Variants in CADPS2 observed in about 807,000 individuals in gnomAD.
The protein encoded by CADPS2 is calcium-dependent secretion activator 2.
Under a neutral mutation model 172.5 loss-of-function variants are expected in CADPS2, and 93 were observed. The observed-to-expected ratio is 0.54, with a 90% CI of 0.46 to 0.64. The LOEUF (loss-of-function observed/expected upper bound fraction) is 0.64. Ranked by LOEUF, CADPS2 falls within the 30% of genes least tolerant of loss-of-function variation. CADPS2 has a pLI of 0.00. For missense variants in CADPS2, 1,420 were observed against 1,565.9 expected (o/e 0.91, Z 1.57); for synonymous variants, 546 against 555.2 (o/e 0.98, Z 0.23).
intron 5 of CADPS2, among the ~76,000 whole-genome samples, chr7:122,620,849 T>C (rs1424358106): frequency 6.6e-6 from 1 of 152,186 alleles, no homozygotes; most frequent in Non-Finnish European, 1.5e-5. Context: ...TTCAATTATA[T>C]GTTGAATTGC....
intron 1 of CADPS2, among the ~76,000 whole-genome samples, chr7:122,816,400 C>T (rs1489676119): frequency 6.6e-6 from 1 of 152,042 alleles, no homozygotes; most frequent in African/African-American, 2.4e-5. Context: ...GAATAATATC[C>T]CTGTGGGTAC....
chr7:122,789,551 CT>C (rs1203937447), intron 1 of CADPS2, among the ~76,000 whole-genome samples: 1 of 152,124 alleles, frequency 6.6e-6, no homozygotes, highest in African/African-American at 2.4e-5. Context: ...GTTCCCAAAC[CT>C]AGAGGACACA....
intron 2 of CADPS2, among the ~76,000 whole-genome samples, chr7:122,708,863 G>A (rs1173260286): frequency 6.6e-6 from 1 of 151,758 alleles, no homozygotes; most frequent in Admixed American, 6.6e-5. Context: ...AATTCACATT[G>A]TAGTCTTTGC....
At chr7:122,515,934 T>C (rs1036829087) in intron 8 of CADPS2, among the ~76,000 whole-genome samples, 1 of 150,350 alleles carries the variant, frequency 6.7e-6, no homozygotes, top group Non-Finnish European at 1.5e-5. Context: ...TAAAAATATA[T>C]TTGGAAAAAA....
chr7:122,373,866 A>AC (rs1563178653), intron 25 of CADPS2, among the ~76,000 whole-genome samples: 1 of 152,058 alleles, frequency 6.6e-6, no homozygotes, highest in Non-Finnish European at 1.5e-5. Context: ...ACCAAAAAAA[A>AC]CCCCAAAAAA....
chr7:122,794,153 G>T (rs962825979), intron 1 of CADPS2, among the ~76,000 whole-genome samples: 10 of 151,960 alleles, frequency 6.6e-5, no homozygotes, highest in Admixed American at 5.9e-4. Context: ...GCCACTCTAG[G>T]TAGATTGGGG....
chr7:122,388,745 GA>G lies in CADPS2; in HGVS notation c.3009-8del. The stretch of plus-strand genomic sequence containing the variant: ...TGATGTTGCTGAGCCATTGCTAGAA[GA>G]AAAAGGAAAAATGAACATCATGAAC... On this transcript the variant is annotated splice_region_variant and splice_polypyrimidine_tract_variant and intron_variant, in intron 22 of 29. Coordinates refer to ENST00000449022, the MANE Select transcript of CADPS2 (RefSeq NM_017954.11). The G allele has an allele frequency of 1.3e-6, 2 of 1,586,244 alleles. No homozygotes were observed. Among genetic ancestry groups the G allele is most frequent in the African/African-American group, 1.4e-5 (1 of 73,958 alleles).
chr7:122,411,937 G>A (rs768955678), intron 19 of CADPS2, among the ~76,000 whole-genome samples: 2 of 152,180 alleles, frequency 1.3e-5, no homozygotes, highest in Non-Finnish European at 2.9e-5. Context: ...GTGAGATGAT[G>A]AGCTGAAAAT....
intron 1 of CADPS2, among the ~76,000 whole-genome samples, chr7:122,822,882 CT>C (rs994038058): frequency 3.4e-4 from 52 of 152,128 alleles, no homozygotes; most frequent in African/African-American, 1.2e-3. Context: ...GGCCCCACCC[CT>C]ATCTCCCTTC....
At chr7:122,529,229 C>T (rs2061548450) in intron 8 of CADPS2, among the ~76,000 whole-genome samples, 1 of 151,262 alleles carries the variant, frequency 6.6e-6, no homozygotes, top group South Asian at 2.1e-4. Flanking sequence ...ACCTTCCCAC[C>T]CCAAAAAAGC....
chr7:122,416,163 C>T lies in CADPS2; in HGVS notation c.2478G>A (p.Glu826=), dbSNP rs771073335. 8.6e-6 allele frequency: 13 copies of T among 1,519,306 alleles called. No homozygotes were observed. Among genetic ancestry groups the T allele is most frequent in the South Asian group, 1.2e-5 (1 of 82,162 alleles). The allele number at this position is 1,519,306 out of a possible 1,614,324, so 94.1% of individuals were successfully genotyped here. The change falls in exon 18 of 30, where the codon GAG becomes GAA. Residue 826 remains glutamate (E), a splice_region_variant and synonymous_variant. Coordinates refer to ENST00000449022, the MANE Select transcript of CADPS2 (RefSeq NM_017954.11). ...TRLTEYAKIE[E]TMNQASPARK... ...TAGCAGGAGATGCCTGGTTCATGGT[C>T]TCTATATGAAAAAAAATCATAATCA...
At chr7:122,571,500 A>G (rs2067249139) in intron 7 of CADPS2, among the ~76,000 whole-genome samples, 1 of 152,146 alleles carries the variant, frequency 6.6e-6, no homozygotes, top group Admixed American at 6.6e-5. Flanking sequence ...ACTTTCCTCT[A>G]CCTCTACAGT....
intron 17 of CADPS2, among the ~76,000 whole-genome samples, chr7:122,428,262 C>T (rs1208128690): frequency 2.0e-5 from 3 of 152,000 alleles, no homozygotes; most frequent in Non-Finnish European, 4.4e-5. Context: ...TAAAAATCAC[C>T]GTTGCCTTAG....
chr7:122,587,165 T>C (rs981928440), intron 6 of CADPS2, among the ~76,000 whole-genome samples: 2 of 151,910 alleles, frequency 1.3e-5, no homozygotes, highest in African/African-American at 4.8e-5. Flanking sequence ...ATTTGTTACA[T>C]AGGTAATGTA....
At chr7:122,407,477 T>C in intron 20 of CADPS2, 63 bp downstream of exon 20, 14 of 1,524,630 alleles carry the variant, frequency 9.2e-6, no homozygotes, top group Non-Finnish European at 1.2e-5. Flanking sequence ...TAAAAATACA[T>C]TCACATTCAA....
intron 1 of CADPS2, among the ~76,000 whole-genome samples, chr7:122,810,194 G>C (rs1015571266): frequency 6.6e-6 from 1 of 152,096 alleles, no homozygotes; most frequent in African/African-American, 2.4e-5. Context: ...AATAATTTAG[G>C]AAGAAGCATA....
chr7:122,599,390 G>C (rs533460280), intron 6 of CADPS2, among the ~76,000 whole-genome samples: 1 of 152,108 alleles, frequency 6.6e-6, no homozygotes, highest in South Asian at 2.1e-4. Flanking sequence ...AGAAAGATTT[G>C]CTGGATATTA....
At chr7:122,486,786 A>G (rs2057855605) in intron 11 of CADPS2, among the ~76,000 whole-genome samples, 1 of 152,090 alleles carries the variant, frequency 6.6e-6, no homozygotes, top group Non-Finnish European at 1.5e-5. Flanking sequence ...AGCAAACTTC[A>G]TCCTTGTCTT....
At chr7:122,649,780 T>A (rs1425221035) in intron 3 of CADPS2, among the ~76,000 whole-genome samples, 1 of 152,074 alleles carries the variant, frequency 6.6e-6, no homozygotes, top group Non-Finnish European at 1.5e-5. Flanking sequence ...AACTATACAA[T>A]TTTATACATC....
Sources: allele counts gnomAD v4.1 joint callset (sites outside exome capture counted in the v4.1 genomes callset), GRCh38; gene constraint gnomAD v4.1.1; transcripts MANE v1.5; gene names NCBI Gene and HGNC (gene_info 2026-07-23, HGNC 2026-07-21).